MYO5B: variants seen among roughly 807,000 people sequenced by gnomAD.
The protein encoded by MYO5B is unconventional myosin-Vb.
Under a neutral mutation model 229.3 loss-of-function variants are expected in MYO5B, and 143 were observed. The ratio of observed to expected loss-of-function variants is 0.62; its 90% CI spans 0.54 to 0.72. MYO5B has a LOEUF of 0.72. Among genes scored for constraint, MYO5B ranks in the 30% least tolerant of loss-of-function variants. The pLI, the probability that MYO5B is intolerant of heterozygous loss-of-function variation, is 0.00. For missense variants in MYO5B, 2,321 were observed against 2,331.0 expected, an observed-to-expected ratio of 1.00 and a Z score of 0.09; for synonymous variants, 918 against 885.2, an observed-to-expected ratio of 1.04 and a Z score of -0.66.
chr18:49,880,408 T>G lies in MYO5B; in HGVS notation c.3093A>C (p.Lys1031Asn), dbSNP rs745745112. 3 of 1,614,054 alleles carry G rather than the reference T, an allele frequency of 1.9e-6. No homozygotes were observed. Among genetic ancestry groups the G allele is most frequent in the Non-Finnish European group, 2.5e-6 (3 of 1,180,022 alleles). The change falls in exon 23 of 40, where the codon AAA becomes AAC. Residue 1031 changes from lysine (K) to asparagine (N), a missense_variant. Physicochemically the swap from Lys to Asn is moderately conservative, Grantham distance 94. Around this residue, in one of 2 missense-constraint regions of MYO5B, gnomAD observed 2,113 missense variants for 2,044.7 expected, o/e 1.03. Transcript: ENST00000285039. ...ACAGGATTTGGTTGTTGAGCTGTTC[T>G]TTCTCATCTTTCAAGAGAGCATTTT... is the stretch of plus-strand genomic sequence containing the variant. ...EQENALLKDE[K>N]EQLNNQILCQ...
At chr18:49,841,155 C>T (rs114897995) in intron 35 of MYO5B, among the ~76,000 whole-genome samples, 2,131 of 152,252 alleles carry the variant, frequency 0.014, 50 homozygotes, top group South Asian at 0.12. Flanking sequence ...TTTGGGGCCC[C>T]TTGGGCTCAT....
At chr18:49,893,396 C>T (rs920937699) in intron 22 of MYO5B, among the ~76,000 whole-genome samples, 1 of 152,176 alleles carries the variant, frequency 6.6e-6, no homozygotes, top group African/African-American at 2.4e-5. Context: ...GAAAGGTCAC[C>T]ATCCCATTCA....
chr18:49,889,211 C>T (rs1787301), intron 22 of MYO5B, among the ~76,000 whole-genome samples: 88,369 of 152,052 alleles, frequency 0.58, 25,839 homozygotes, highest in Middle Eastern at 0.66. Flanking sequence ...TCAAATAATT[C>T]AATTTAGGCA....
In MYO5B at chr18:50,016,142, C is replaced by T. The variant is rs371603312; in HGVS notation, c.456-14731G>A. ...ATCCCAGGAAAGCATGATCAGAGTG[C>T]CATGCAACCCAGAACTTGAGGGATC... is the stretch of plus-strand genomic sequence containing the variant. On this transcript the variant is annotated intron_variant, in intron 4 of 39. Transcript: ENST00000285039. 1.4e-4 allele frequency among the ~76,000 whole-genome samples: 21 copies of T among 152,284 alleles called. No individual in the cohort carries two copies. The East Asian group carries it at 1.9e-3, about 14-fold the overall frequency.
intron 18 of MYO5B, among the ~76,000 whole-genome samples, chr18:49,908,151 G>GA (rs368513415): frequency 5.5e-4 from 84 of 151,684 alleles, no homozygotes; most frequent in African/African-American, 1.4e-3. Context: ...CCCTATTTCG[G>GA]AAAAAAAACA....
chr18:49,835,063 G>A (rs1282789989), intron 39 of MYO5B, among the ~76,000 whole-genome samples: 1 of 152,196 alleles, frequency 6.6e-6, no homozygotes, highest in African/African-American at 2.4e-5. Flanking sequence ...GGTGCTAATA[G>A]TTCAGTAACA....
intron 1 of MYO5B, chr18:50,098,797 A>T (rs1014902130): frequency 6.5e-6 from 1 of 153,106 alleles, no homozygotes; most frequent in African/African-American, 2.4e-5. Context: ...AGCAGCTGGG[A>T]AAGAAACCTT....
intron 1 of MYO5B, among the ~76,000 whole-genome samples, chr18:50,116,711 G>A (rs572538741): frequency 6.6e-6 from 1 of 151,726 alleles, no homozygotes; most frequent in African/African-American, 2.4e-5. Context: ...CTTCACGGGG[G>A]AACTCGTCAG....
chr18:50,000,133 C>A (rs912163244), intron 5 of MYO5B, among the ~76,000 whole-genome samples: 10 of 152,168 alleles, frequency 6.6e-5, no homozygotes, highest in African/African-American at 2.4e-4. Flanking sequence ...CAATTTATGC[C>A]TGCACTTGGT....
chr18:50,192,687 A>T (rs1220556166), intron 1 of MYO5B, among the ~76,000 whole-genome samples: 3 of 152,208 alleles, frequency 2.0e-5, no homozygotes, highest in Non-Finnish European at 4.4e-5. Flanking sequence ...CGTCCACCTC[A>T]CAGTCCTGAT....
chr18:49,939,505 C>G (rs2025290502), intron 14 of MYO5B, among the ~76,000 whole-genome samples: 1 of 152,162 alleles, frequency 6.6e-6, no homozygotes, highest in South Asian at 2.1e-4. Context: ...TATTTTTGAT[C>G]TGAAGAAACA....
At chr18:50,151,010 G>GTTAA (rs916574197) in intron 1 of MYO5B, among the ~76,000 whole-genome samples, 15 of 152,222 alleles carry the variant, frequency 9.9e-5, no homozygotes, top group African/African-American at 3.6e-4. Flanking sequence ...AGTTTTAAAG[G>GTTAA]TTAACTCTTC....
intron 14 of MYO5B, among the ~76,000 whole-genome samples, chr18:49,942,233 C>G (rs2025322096): frequency 6.6e-6 from 1 of 150,824 alleles, no homozygotes; most frequent in Non-Finnish European, 1.5e-5. Flanking sequence ...CCATAAAAAC[C>G]CTAGAAGAAA....
intron 5 of MYO5B, among the ~76,000 whole-genome samples, chr18:49,998,033 T>C (rs945027475): frequency 1.3e-5 from 2 of 152,126 alleles, no homozygotes; most frequent in African/African-American, 4.8e-5. Flanking sequence ...AGGTCCCAGA[T>C]AGAGTCGACT....
intron 8 of MYO5B, among the ~76,000 whole-genome samples, chr18:49,983,683 T>C (rs2025840381): frequency 6.6e-6 from 1 of 152,186 alleles, no homozygotes; most frequent in Non-Finnish European, 1.5e-5. Context: ...TTAACAATTG[T>C]TTATATTAAT....
intron 3 of MYO5B, among the ~76,000 whole-genome samples, chr18:50,038,005 A>G (rs2029893838): frequency 1.3e-5 from 2 of 152,332 alleles, no homozygotes; most frequent in South Asian, 4.1e-4. Flanking sequence ...TGTCCCCTAA[A>G]GAATGGATTG....
chr18:50,154,307 A>C (rs2032646818), intron 1 of MYO5B, among the ~76,000 whole-genome samples: 1 of 152,198 alleles, frequency 6.6e-6, no homozygotes, highest in African/African-American at 2.4e-5. Flanking sequence ...TCCCCCACCC[A>C]AAAAAGTCAA....
At chr18:50,190,622 C>T (rs900257776) in intron 1 of MYO5B, among the ~76,000 whole-genome samples, 1 of 7,302 alleles carries the variant, frequency 1.4e-4, no homozygotes, top group African/African-American at 1.7e-4. Flanking sequence ...TGGCCCCCGA[C>T]CTACCAAAAA....
intron 10 of MYO5B, 64 bp from the exon 11 acceptor site, chr18:49,963,094 A>G (rs2025579626): frequency 1.5e-6 from 2 of 1,361,658 alleles, no homozygotes; most frequent in Non-Finnish European, 1.1e-6. Flanking sequence ...TGGGACTTCA[A>G]CAAAGCTGCT....
Sources: allele counts gnomAD v4.1 joint callset (sites outside exome capture counted in the v4.1 genomes callset), GRCh38; gene constraint gnomAD v4.1.1; regional missense constraint gnomAD v4.1.1; transcripts MANE v1.5; gene names NCBI Gene and HGNC (gene_info 2026-07-23, HGNC 2026-07-21).